Variants in USP50 observed in about 807,000 individuals in gnomAD.
The protein encoded by USP50 is ubiquitin specific peptidase 50, also known as ubiquitin carboxyl-terminal hydrolase 50.
Under a neutral mutation model 39.2 loss-of-function variants are expected in USP50, and 37 were observed. The ratio of observed to expected loss-of-function variants is 0.94; its 90% CI spans 0.73 to 1.24. The LOEUF (loss-of-function observed/expected upper bound fraction) is 1.24. USP50 is among the 50% of genes most tolerant of loss of function. The pLI, the probability that USP50 is intolerant of heterozygous loss-of-function variation, is 0.00. For missense variants in USP50, 374 were observed against 398.2 expected (o/e 0.94, Z 0.52); for synonymous variants, 139 against 144.5 (o/e 0.96, Z 0.27).
downstream of USP50, chr15:50,497,061 G>C: frequency 6.3e-7 from 1 of 1,581,804 alleles, no homozygotes; most frequent in East Asian, 2.3e-5. Flanking sequence ...GAATTAACGA[G>C]TATCTGCTAC....
chr15:50,527,964 T>C (rs891956043), intron 6 of USP50, among the ~76,000 whole-genome samples: 1 of 152,108 alleles, frequency 6.6e-6, no homozygotes, highest in South Asian at 2.1e-4. Context: ...TTACCTCTGA[T>C]GAATCTTCAA....
chr15:50,537,230 T>A, intron 5 of USP50, among the ~76,000 whole-genome samples: 1 of 145,182 alleles, frequency 6.9e-6, no homozygotes, highest in African/African-American at 2.5e-5. Flanking sequence ...CAACTGGATA[T>A]CCACGCGAAA....
intron 6 of USP50, among the ~76,000 whole-genome samples, chr15:50,522,227 C>T (rs1566906713): frequency 6.6e-6 from 1 of 151,776 alleles, no homozygotes; most frequent in Non-Finnish European, 1.5e-5. Context: ...GAGTTTAAGA[C>T]CAGCCTGGGC....
downstream of USP50, chr15:50,497,646 G>A (rs116788274): frequency 0.015 from 2,358 of 152,468 alleles, 63 homozygotes; most frequent in African/African-American, 0.055. Flanking sequence ...ATACCATTAA[G>A]TGCAGAAATA....
intron 6 of USP50, chr15:50,509,533 A>G (rs1477377547): frequency 1.3e-5 from 2 of 151,608 alleles, no homozygotes; most frequent in Non-Finnish European, 2.9e-5. Flanking sequence ...TGTAGTCCCA[A>G]GCTACTCAGG....
chr15:50,521,832 C>A (rs1225996112), intron 6 of USP50, among the ~76,000 whole-genome samples: 1 of 152,088 alleles, frequency 6.6e-6, no homozygotes. Context: ...GGCATAGTGG[C>A]ACACACCTGT....
At chr15:50,532,844 T>C (rs1291951396) in intron 5 of USP50, among the ~76,000 whole-genome samples, 3 of 152,092 alleles carry the variant, frequency 2.0e-5, no homozygotes, top group African/African-American at 7.2e-5. Flanking sequence ...GTTAGTACAG[T>C]GGTTAGTTTC....
chr15:50,529,663 G>T, intron 6 of USP50, 134 bp downstream of exon 6: 1 of 930,454 alleles, frequency 1.1e-6, no homozygotes. Context: ...AGGTCAAAGT[G>T]GAGAGTTTCC....
intron 6 of USP50, chr15:50,510,816 T>A (rs1033762662): frequency 6.6e-6 from 1 of 152,048 alleles, no homozygotes; most frequent in African/African-American, 2.4e-5. Flanking sequence ...TCGCTCTGTC[T>A]CCCAGGCTGG....
chr15:50,498,212 C>T (rs1053125950), downstream of USP50: 3 of 162,192 alleles, frequency 1.8e-5, no homozygotes, highest in African/African-American at 7.2e-5. Flanking sequence ...CAATTTCTGG[C>T]TCTAGTTTTC....
At chr15:50,496,325 CA>C, downstream of USP50, among the ~76,000 whole-genome samples, 3 of 151,858 alleles carry the variant, frequency 2.0e-5, no homozygotes, top group Admixed American at 6.6e-5. Context: ...ACTAAAAATA[CA>C]AAAAATTAGC....
downstream of USP50, chr15:50,500,531 C>A: frequency 2.3e-6 from 1 of 437,052 alleles, no homozygotes; most frequent in Non-Finnish European, 4.2e-6. Flanking sequence ...TATAACATGC[C>A]CACAAGGCAT....
chr15:50,501,814 A>G (rs1024254418), intron 6 of USP50: 5 of 152,202 alleles, frequency 3.3e-5, no homozygotes, highest in Non-Finnish European at 7.3e-5. Flanking sequence ...CCCATGCATT[A>G]GCAACGGGTT....
intron 3 of USP50, among the ~76,000 whole-genome samples, chr15:50,542,808 T>C (rs2141381164): frequency 6.6e-6 from 1 of 152,240 alleles, no homozygotes; most frequent in African/African-American, 2.4e-5. Flanking sequence ...TTTTTATTAC[T>C]CTAAATGAAA....
At chr15:50,535,162 C>A (rs112985218) in intron 5 of USP50, among the ~76,000 whole-genome samples, 4,722 of 151,994 alleles carry the variant, frequency 0.031, 234 homozygotes, top group African/African-American at 0.11. Flanking sequence ...CACACACACA[C>A]ACAAAAATTG....
chr15:50,523,299 C>G (rs905280122), intron 6 of USP50, among the ~76,000 whole-genome samples: 1 of 150,846 alleles, frequency 6.6e-6, no homozygotes, highest in Non-Finnish European at 1.5e-5. Context: ...CCACATCAGC[C>G]TCTGGAGTAG....
At chr15:50,546,030 G>T (rs549753289) in intron 1 of USP50, among the ~76,000 whole-genome samples, 1 of 151,312 alleles carries the variant, frequency 6.6e-6, no homozygotes, top group South Asian at 2.1e-4. Context: ...GAACACTGAG[G>T]GTTCCAAACG....
Position 50,500,731 on chromosome 15 carries a change from T to C in USP50, c.*38A>G, listed in dbSNP as rs756839693. Reference sequence around the variant, plus strand: ...ATCCATAGCATTTTGAACAGAAGTATCTGGAATCTCACTGACTCGTGTGTT... The same window carrying C: ...ATCCATAGCATTTTGAACAGAAGTACCTGGAATCTCACTGACTCGTGTGTT... On this transcript the variant is annotated 3_prime_UTR_variant, in exon 7 of 7. Transcript: ENST00000532404. 5 of 1,548,836 alleles carry C rather than the reference T, an allele frequency of 3.2e-6. No homozygotes were observed. Among genetic ancestry groups the C allele is most frequent in the Non-Finnish European group, 4.4e-6 (5 of 1,139,968 alleles).
chr15:50,494,288 A>C, intron 1 of USP50: 1 of 1,589,946 alleles, frequency 6.3e-7, no homozygotes, highest in Non-Finnish European at 8.5e-7. Context: ...AAAGTAAGAA[A>C]TTTGATTTTT....
Sources: allele counts gnomAD v4.1 joint callset (sites outside exome capture counted in the v4.1 genomes callset), GRCh38; gene constraint gnomAD v4.1.1; transcripts MANE v1.5; gene names NCBI Gene and HGNC (gene_info 2026-07-23, HGNC 2026-07-21).